The following RSPO4 variants were observed in gnomAD, a reference collection of about 807,000 sequenced individuals.
RSPO4 encodes the protein R-spondin 4.
A neutral mutation model predicts 24.8 loss-of-function variants in RSPO4; 23 were observed. The ratio of observed to expected loss-of-function variants is 0.93; its 90% CI spans 0.67 to 1.31. The LOEUF is 1.31. Among genes scored for constraint, RSPO4 ranks in the 40% most tolerant of loss-of-function variants. RSPO4 has a pLI of 0.00. For missense variants in RSPO4, 333 were observed against 316.5 expected (o/e 1.05, Z -0.39); for synonymous variants, 141 against 127.4 (o/e 1.11, Z -0.72).
chr20:959,168 GGCAA>G lies in RSPO4; in HGVS notation c.*1185_*1188del. 2 of 123,076 alleles carry G rather than the reference GGCAA, an allele frequency of 1.6e-5. No individual in the cohort carries two copies. Among genetic ancestry groups the G allele is most frequent in the African/African-American group, 3.3e-5 (1 of 30,148 alleles). 7.6% of individuals were successfully genotyped at this position (123,076 alleles called of 1,614,324 possible). The stretch of plus-strand genomic sequence containing the variant: ...GTGGGCGAGTGCGGTGATGGGTGTG[GGCAA>G]GTGTGGGGGTGGGTGTCAGCGTGTG... On this transcript the variant is annotated 3_prime_UTR_variant, in exon 5 of 5. Coordinates refer to ENST00000217260, the MANE Select transcript of RSPO4 (RefSeq NM_001029871.4).
At chr20:973,459 ATTGTTTGTTTGT>A (rs138891857) in intron 1 of RSPO4, among the ~76,000 whole-genome samples, 147 of 150,640 alleles carry the variant, frequency 9.8e-4, no homozygotes, top group African/African-American at 3.1e-3. Context: ...TGTTTGTTTT[ATTGTTTGTTTGT>A]TTGTTTGTTT....
intron 1 of RSPO4, 71 bp from the exon 2 acceptor site, chr20:968,209 C>T: frequency 7.1e-7 from 1 of 1,407,798 alleles, no homozygotes; most frequent in Non-Finnish European, 1.0e-6. Context: ...ATGCGAGCAG[C>T]TGAGATGGTC....
In RSPO4 at chr20:964,034, G is replaced by C; in HGVS notation, c.496C>G (p.Arg166Gly). The C allele has an allele frequency of 6.2e-7, 1 of 1,613,664 alleles. No individual in the cohort carries two copies. Among genetic ancestry groups the C allele is most frequent in the East Asian group, 2.2e-5 (1 of 44,876 alleles). ...TCGSAWGLESRVREAGRAGHE... is the reference protein window; with the variant it reads ...TCGSAWGLESGVREAGRAGHE... ...CCAGCCCGGCCAGCCTCTCGTACCC[G>C]GCTCTCCAGGCCCCAAGCCGAGCCG... The change falls in exon 4 of 5, where the codon CGG (arginine) becomes GGG (glycine). Residue 166 changes from arginine (R) to glycine (G), a missense_variant. Arg to Gly is a moderately radical substitution (Grantham distance 125). Coordinates refer to ENST00000217260, the MANE Select transcript of RSPO4 (RefSeq NM_001029871.4).
chr20:978,566 T>C (rs1984640155), intron 1 of RSPO4, among the ~76,000 whole-genome samples: 1 of 152,134 alleles, frequency 6.6e-6, no homozygotes, highest in South Asian at 2.1e-4. Context: ...ATAAAGGTTC[T>C]CAAAAACTGC....
At chr20:989,754 C>A (rs1433901347) in intron 1 of RSPO4, among the ~76,000 whole-genome samples, 2 of 152,220 alleles carry the variant, frequency 1.3e-5, no homozygotes, top group African/African-American at 2.4e-5. Flanking sequence ...GAAGTGGAAA[C>A]CATAACCCTT....
intron 1 of RSPO4, among the ~76,000 whole-genome samples, chr20:982,094 G>T (rs1368536058): frequency 6.6e-6 from 1 of 152,150 alleles, no homozygotes; most frequent in Non-Finnish European, 1.5e-5. Context: ...GGTTGTTTTT[G>T]GATTCCTCAT....
chr20:977,920 C>G (rs1320413556), intron 1 of RSPO4, among the ~76,000 whole-genome samples: 1 of 152,206 alleles, frequency 6.6e-6, no homozygotes, highest in Non-Finnish European at 1.5e-5. Flanking sequence ...TAAAAAACAT[C>G]TGGGCACCCG....
chr20:998,106 A>G (rs1985352486), intron 1 of RSPO4, among the ~76,000 whole-genome samples: 1 of 152,346 alleles, frequency 6.6e-6, no homozygotes, highest in Non-Finnish European at 1.5e-5. Flanking sequence ...GGCCTGCTTA[A>G]TGTCACATAT....
At position 1,002,016 on chromosome 20, in the gene RSPO4, C is replaced by T; in HGVS notation, c.79+70G>A. 1 of 1,376,458 alleles carries T rather than the reference C, an allele frequency of 7.3e-7. No homozygotes were observed. Among genetic ancestry groups the T allele is most frequent in the Non-Finnish European group, 1.0e-6 (1 of 997,002 alleles). The allele number at this position is 1,376,458 out of a possible 1,614,324, so 85.3% of individuals were successfully genotyped here. On this transcript the variant is annotated intron_variant, in intron 1 of 4. Transcript: ENST00000217260. This position sits in a 1 kb window ranked among gnomAD's most constrained non-coding sequence, Gnocchi z 4.6. ...AGGCAGATGCCCCCAGAGCCGCCGC[C>T]CCCGGTCCTCCGGCCCCCGGTCTGC...
chr20:983,530 T>C (rs774268973), intron 1 of RSPO4, among the ~76,000 whole-genome samples: 5 of 152,180 alleles, frequency 3.3e-5, no homozygotes, highest in Non-Finnish European at 7.3e-5. Flanking sequence ...GGATACCCCC[T>C]AAGGAACCTT....
intron 4 of RSPO4, among the ~76,000 whole-genome samples, chr20:962,259 G>A (rs145797300): frequency 4.4e-4 from 67 of 152,234 alleles, no homozygotes; most frequent in African/African-American, 1.5e-3. Context: ...AAATGACTCC[G>A]GGGAGGGGGA....
chr20:965,371 G>A lies in RSPO4; in HGVS notation c.410-1251C>T, dbSNP rs569767977. Among the ~76,000 whole-genome samples the A allele has an allele frequency of 3.9e-5, 6 of 152,254 alleles. 1 individual carries two copies. In the South Asian group the frequency reaches 8.3e-4, roughly 21 times the overall value. On this transcript the variant is annotated intron_variant, in intron 3 of 4. Coordinates refer to ENST00000217260, the MANE Select transcript of RSPO4 (RefSeq NM_001029871.4). Reference sequence around the variant, plus strand: ...GATTTGGCCTGGAACTGGGCAAGCCGGAGAATAAGCTCAAACTGAGGAGGA... The same window carrying A: ...GATTTGGCCTGGAACTGGGCAAGCCAGAGAATAAGCTCAAACTGAGGAGGA...
chr20:970,243 A>C lies in RSPO4; in HGVS notation c.80-2105T>G, dbSNP rs989481551. 2.0e-5 allele frequency among the ~76,000 whole-genome samples: 3 copies of C among 152,098 alleles called. No homozygotes were observed. Among genetic ancestry groups the C allele is most frequent in the Non-Finnish European group, 4.4e-5 (3 of 68,018 alleles). On this transcript the variant is annotated intron_variant, in intron 1 of 4. Transcript: ENST00000217260. The surrounding 1 kb of genome is among the most constrained non-coding windows in gnomAD (Gnocchi z 4.1). ...CAGGCTCTCTGCCCAGCCCTGGCTGAGGCCTTTCTCTCTCCCTTCCATCCC... is the reference window on the plus strand; with the variant it reads ...CAGGCTCTCTGCCCAGCCCTGGCTGCGGCCTTTCTCTCTCCCTTCCATCCC...
rs954288434 is a variant in RSPO4, at chr20:981,081, G to T, written c.80-12943C>A. Among the ~76,000 whole-genome samples, 1 of 152,226 alleles carries T rather than the reference G, an allele frequency of 6.6e-6. No homozygotes were observed. Among genetic ancestry groups the T allele is most frequent in the African/African-American group, 2.4e-5 (1 of 41,462 alleles). ...CATTCCTCATTTTACGGTTCAGGAA[G>T]TGAAGGCTCAAAGACCAACAATTAT... On this transcript the variant is annotated intron_variant, in intron 1 of 4. Coordinates refer to ENST00000217260, the MANE Select transcript of RSPO4 (RefSeq NM_001029871.4). The surrounding 1 kb of genome is among the most constrained non-coding windows in gnomAD (Gnocchi z 4.6).
At chr20:969,465 T>C (rs1984341479) in intron 1 of RSPO4, among the ~76,000 whole-genome samples, 1 of 152,232 alleles carries the variant, frequency 6.6e-6, no homozygotes, top group Non-Finnish European at 1.5e-5. Context: ...CAGCATCTCA[T>C]GCCCTGCTTG....
chr20:965,139 A>C (rs1450964673), intron 3 of RSPO4, among the ~76,000 whole-genome samples: 1 of 152,084 alleles, frequency 6.6e-6, no homozygotes, highest in African/African-American at 2.4e-5. Context: ...GGCCTCCTGG[A>C]ATTCACCATC....
intron 1 of RSPO4, among the ~76,000 whole-genome samples, chr20:995,310 T>C (rs552655570): frequency 8.3e-4 from 127 of 152,254 alleles, no homozygotes; most frequent in Non-Finnish European, 1.1e-3. Context: ...CTGTGGGTTT[T>C]GGAATTAAGA....
Position 959,511 on chromosome 20 carries a change from C to A in RSPO4, c.*846G>T, listed in dbSNP as rs1409602373. Reference sequence around the variant, plus strand: ...CCTCTTCTGGGCTGGGCAGGTGGATCCCCCAGCAGTGACAGCTCACCTGAT... The same window carrying A: ...CCTCTTCTGGGCTGGGCAGGTGGATACCCCAGCAGTGACAGCTCACCTGAT... On this transcript the variant is annotated 3_prime_UTR_variant, in exon 5 of 5. Coordinates refer to ENST00000217260, the MANE Select transcript of RSPO4 (RefSeq NM_001029871.4). The A allele has an allele frequency of 6.6e-6, 1 of 152,398 alleles. No homozygotes were observed. The highest frequency in any genetic ancestry group is 1.5e-5 in the Non-Finnish European group (1 of 68,196). The allele number at this position is 152,398 out of a possible 1,614,324, so 9.4% of individuals were successfully genotyped here.
intron 1 of RSPO4, among the ~76,000 whole-genome samples, chr20:992,967 G>A (rs1000862030): frequency 4.6e-5 from 7 of 152,194 alleles, no homozygotes; most frequent in South Asian, 4.1e-4. Flanking sequence ...GTGCTCATCC[G>A]GGACTTGCTA....
Sources: gnomAD v4.1 joint callset for allele counts (sites outside exome capture counted in the v4.1 genomes callset) on GRCh38, gnomAD v4.1.1 for gene constraint, Gnocchi (gnomAD v3.1) non-coding constraint, MANE v1.5 for transcripts, NCBI Gene and HGNC (gene_info 2026-07-23, HGNC 2026-07-21) for gene names.